The following GRM3 variants were observed in gnomAD, a reference collection of about 807,000 sequenced individuals.
GRM3 encodes the protein metabotropic glutamate receptor 3.
Under a neutral mutation model 70.5 loss-of-function variants are expected in GRM3, and 26 were observed. The ratio of observed to expected loss-of-function variants is 0.37; its 90% CI spans 0.27 to 0.51. GRM3 has a LOEUF of 0.51. Among genes scored for constraint, GRM3 ranks in the 20% least tolerant of loss-of-function variants. The probability of loss-of-function intolerance (pLI) is 0.93; values close to 1 mark genes in which losing one functional copy is unlikely to be tolerated. For synonymous variants in GRM3, 443 were observed against 434.9 expected (o/e 1.02, Z -0.23); for missense variants, 859 against 1,123.8 (o/e 0.76, Z 3.37).
In GRM3 at chr7:86,644,592, T is replaced by C. The variant is rs368670627; in HGVS notation, c.-421T>C. Reference sequence around the variant, plus strand: ...ACCCCTCCGTTTTCCCACTCCCCACTGACTCGGATGCCTGGATGTTCTGCC... The same window carrying C: ...ACCCCTCCGTTTTCCCACTCCCCACCGACTCGGATGCCTGGATGTTCTGCC... On this transcript the variant is annotated 5_prime_UTR_variant, in exon 1 of 6. Coordinates refer to ENST00000361669, the MANE Select transcript of GRM3 (RefSeq NM_000840.3). 1.7e-5 allele frequency: 7 copies of C among 418,640 alleles called. No homozygotes were observed. Among genetic ancestry groups the C allele is most frequent in the Non-Finnish European group, 3.4e-5 (7 of 208,844 alleles). 25.9% of individuals were successfully genotyped at this position (418,640 alleles called of 1,614,324 possible). A position where few individuals can be genotyped will look rare whatever the true frequency, so the allele number is the denominator to read the frequency against.
At chr7:86,645,600 T>G (rs1562811060) in intron 1 of GRM3, among the ~76,000 whole-genome samples, 1 of 152,198 alleles carries the variant, frequency 6.6e-6, no homozygotes, top group Non-Finnish European at 1.5e-5. Context: ...AAGGATTTCA[T>G]TTAAATTTCT....
At chr7:86,753,332 A>G (rs559228207) in intron 1 of GRM3, among the ~76,000 whole-genome samples, 20 of 152,270 alleles carry the variant, frequency 1.3e-4, no homozygotes, top group African/African-American at 4.8e-4. Flanking sequence ...CATTTTACAC[A>G]TATATAAAAT....
At chr7:86,856,433 A>G (rs1584282482) in intron 5 of GRM3, among the ~76,000 whole-genome samples, 1 of 149,756 alleles carries the variant, frequency 6.7e-6, no homozygotes, top group African/African-American at 2.5e-5. Flanking sequence ...GAGACAGAGC[A>G]AGACTCCATC....
At chr7:86,792,487 A>G (rs537796648) in intron 3 of GRM3, among the ~76,000 whole-genome samples, 6 of 152,320 alleles carry the variant, frequency 3.9e-5, no homozygotes, top group African/African-American at 9.6e-5. Flanking sequence ...CCTCTCTGCA[A>G]TTCTTAGGGT....
chr7:86,659,504 G>A (rs575281655), intron 1 of GRM3, among the ~76,000 whole-genome samples: 8 of 152,202 alleles, frequency 5.3e-5, no homozygotes, highest in African/African-American at 1.7e-4. Context: ...CAGAGCTTAC[G>A]AATTTGACCA....
intron 1 of GRM3, among the ~76,000 whole-genome samples, chr7:86,731,677 G>T (rs1223863465): frequency 1.3e-5 from 2 of 152,132 alleles, no homozygotes; most frequent in African/African-American, 4.8e-5. Context: ...ATAGGTTTGA[G>T]AGTGTAAAGG....
intron 1 of GRM3, among the ~76,000 whole-genome samples, chr7:86,704,033 A>C (rs1312338786): frequency 1.3e-5 from 2 of 151,928 alleles, no homozygotes; most frequent in African/African-American, 4.8e-5. Flanking sequence ...GTCTTAAATC[A>C]TCTCTCTACT....
At chr7:86,790,702 C>G (rs2116571085) in intron 3 of GRM3, among the ~76,000 whole-genome samples, 1 of 152,220 alleles carries the variant, frequency 6.6e-6, no homozygotes, top group Non-Finnish European at 1.5e-5. Context: ...CCCTTGTTTC[C>G]AACATTAGGG....
chr7:86,782,523 C>T, intron 2 of GRM3, among the ~76,000 whole-genome samples: 1 of 152,224 alleles, frequency 6.6e-6, no homozygotes, highest in East Asian at 1.9e-4. Flanking sequence ...GCCACATCTT[C>T]TCCTGAAACA....
intron 1 of GRM3, among the ~76,000 whole-genome samples, chr7:86,740,601 A>T (rs1795963620): frequency 1.3e-5 from 2 of 152,220 alleles, no homozygotes; most frequent in African/African-American, 2.4e-5. Flanking sequence ...CTAAATTTTT[A>T]AAAATCCATA....
At chr7:86,772,738 G>A (rs189679312) in intron 2 of GRM3, among the ~76,000 whole-genome samples, 26 of 152,206 alleles carry the variant, frequency 1.7e-4, no homozygotes, top group African/African-American at 6.0e-4. Context: ...GAAAAGCAGA[G>A]TGACAGGATT....
intron 1 of GRM3, among the ~76,000 whole-genome samples, chr7:86,759,183 T>G (rs1364729345): frequency 6.6e-6 from 1 of 152,122 alleles, no homozygotes; most frequent in Non-Finnish European, 1.5e-5. Flanking sequence ...GATGTATTGT[T>G]TTCCATTCCT....
chr7:86,670,868 T>C (rs570148658), intron 1 of GRM3, among the ~76,000 whole-genome samples: 19 of 152,292 alleles, frequency 1.2e-4, no homozygotes, highest in African/African-American at 4.6e-4. Context: ...CTCTCTATTC[T>C]CAGAAGATAT....
At chr7:86,668,350 A>G (rs369268820) in intron 1 of GRM3, among the ~76,000 whole-genome samples, 1 of 152,046 alleles carries the variant, frequency 6.6e-6, no homozygotes, top group Non-Finnish European at 1.5e-5. Context: ...ATGTACATAC[A>G]TTCACTCACT....
intron 4 of GRM3, among the ~76,000 whole-genome samples, chr7:86,841,801 A>G (rs994408061): frequency 5.3e-5 from 8 of 152,310 alleles, no homozygotes; most frequent in East Asian, 3.9e-4. Flanking sequence ...TCTTCTTTAC[A>G]TGATAGCAAT....
chr7:86,705,165 A>T lies in GRM3; in HGVS notation c.-140-59841A>T, dbSNP rs1297316522. 2.0e-5 allele frequency among the ~76,000 whole-genome samples: 3 copies of T among 152,056 alleles called. No individual in the cohort carries two copies. The East Asian group carries it at 5.8e-4, about 29-fold the overall frequency. ...CTAAAATATAAATGAATGTTATAAA[A>T]CTATTCCAATGAGACATTCCCAACA... is the stretch of plus-strand genomic sequence containing the variant. On this transcript the variant is annotated intron_variant, in intron 1 of 5. Transcript: ENST00000361669.
At chr7:86,769,390 A>G (rs1796684445) in intron 2 of GRM3, among the ~76,000 whole-genome samples, 2 of 152,100 alleles carry the variant, frequency 1.3e-5, no homozygotes. Context: ...GGGGTTTTCC[A>G]TTGCAAATTG....
At position 86,690,738 on chromosome 7, in the gene GRM3, T is replaced by A. The variant is rs117027170; in HGVS notation, c.-141+45866T>A. On this transcript the variant is annotated intron_variant, in intron 1 of 5. Coordinates refer to ENST00000361669, the MANE Select transcript of GRM3 (RefSeq NM_000840.3). ...GCCGAGTGGGAATCAAGAGTCTTGT[T>A]TTGGATATATTATACTTAAAATTTG... is the stretch of plus-strand genomic sequence containing the variant. Among the ~76,000 whole-genome samples, 1,100 of 152,116 alleles carry A rather than the reference T, an allele frequency of 7.2e-3. 5 individuals carry two copies. Among genetic ancestry groups the A allele is most frequent in the Middle Eastern group, 0.027 (8 of 294 alleles).
intron 3 of GRM3, among the ~76,000 whole-genome samples, chr7:86,807,692 C>G (rs1156959611): frequency 6.6e-6 from 1 of 152,110 alleles, no homozygotes. Context: ...CATCTGCAAA[C>G]AGGGACAATT....
Sources: allele counts gnomAD v4.1 joint callset (sites outside exome capture counted in the v4.1 genomes callset), GRCh38; gene constraint gnomAD v4.1.1; transcripts MANE v1.5; gene names NCBI Gene and HGNC (gene_info 2026-07-23, HGNC 2026-07-21).